The following TTC6 variants were observed in gnomAD, a reference collection of about 807,000 sequenced individuals.
TTC6 encodes tetratricopeptide repeat domain 6, also known as tetratricopeptide repeat protein 6.
A neutral mutation model predicts 210.4 loss-of-function variants in TTC6; 172 were observed. The observed-to-expected ratio is 0.82, with a 90% confidence interval of 0.72 to 0.93. TTC6 has a LOEUF of 0.93. TTC6 is among the 40% of genes least tolerant of loss of function. The pLI is 0.00. For missense variants in TTC6, 2,414 were observed against 2,318.1 expected (o/e 1.04, Z -0.85); for synonymous variants, 804 against 819.6 (o/e 0.98, Z 0.32).
intron 3 of TTC6, among the ~76,000 whole-genome samples, chr14:37,683,998 C>T (rs955077394): frequency 1.3e-5 from 2 of 152,032 alleles, no homozygotes; most frequent in Non-Finnish European, 2.9e-5. Context: ...GGTCTCCCCT[C>T]CCCACCAATG....
intron 24 of TTC6, among the ~76,000 whole-genome samples, chr14:37,811,205 C>T (rs1027671153): frequency 3.3e-5 from 5 of 152,098 alleles, no homozygotes; most frequent in African/African-American, 1.2e-4. Context: ...TAGTGGATCT[C>T]GAAGGCATCA....
At chr14:37,640,328 G>A (rs1190182739) in intron 1 of TTC6, among the ~76,000 whole-genome samples, 2 of 151,924 alleles carry the variant, frequency 1.3e-5, no homozygotes. Context: ...GAATTTTGGA[G>A]GTGATCAATT....
At chr14:37,666,300 G>A (rs930072679) in intron 1 of TTC6, among the ~76,000 whole-genome samples, 1 of 149,822 alleles carries the variant, frequency 6.7e-6, no homozygotes, top group African/African-American at 2.4e-5. Flanking sequence ...TTGTTTGACA[G>A]ATAGGTCCTA....
Position 37,625,535 on chromosome 14 carries a change from C to T in TTC6, c.939+2532C>T, listed in dbSNP as rs970730058. Among the ~76,000 whole-genome samples, 10 of 140,864 alleles carry T rather than the reference C, an allele frequency of 7.1e-5. No individual in the cohort carries two copies. In the East Asian group the frequency reaches 8.2e-4, roughly 12 times the overall value. 92.4% of individuals were successfully genotyped at this position (140,864 alleles called of 152,430 possible). A position where few individuals can be genotyped will look rare whatever the true frequency, so the allele number is the denominator to read the frequency against. ...TGGACTCCAGCCTGGGGGACAAGAG[C>T]GAGACTTCGTCTAAAAAAAAAAAAA... On this transcript the variant is annotated intron_variant, in intron 1 of 30. Transcript: ENST00000553443.
chr14:37,623,566 A>C (rs1404295682), intron 1 of TTC6, among the ~76,000 whole-genome samples: 1 of 152,208 alleles, frequency 6.6e-6, no homozygotes, highest in Non-Finnish European at 1.5e-5. Context: ...ACTCTATGGG[A>C]CACACTTTAC....
At position 37,622,394 on chromosome 14, in the gene TTC6, C is replaced by G. The variant is rs924618501; in HGVS notation, c.330C>G (p.Gly110=). The G allele has an allele frequency of 1.2e-5, 18 of 1,533,568 alleles. No individual in the cohort carries two copies. In the African/African-American group the frequency reaches 2.5e-4, roughly 21 times the overall value. The allele number at this position is 1,533,568 out of a possible 1,614,324, so 95.0% of individuals were successfully genotyped here. The change falls in exon 1 of 31, where the codon GGC becomes GGG. Residue 110 remains glycine, a synonymous_variant. Transcript: ENST00000553443. ...GCCTGGGTGAGGCGGCGGCTCCAGG[C>G]AAGACCCGGTCGTTTCGCCCCCGGG... is the stretch of plus-strand genomic sequence containing the variant.
intron 1 of TTC6, among the ~76,000 whole-genome samples, chr14:37,659,880 A>G (rs907190128): frequency 5.9e-5 from 9 of 152,002 alleles, no homozygotes; most frequent in Admixed American, 3.3e-4. Flanking sequence ...TCATAAGCTC[A>G]TTGGCTGCAT....
At chr14:37,768,901 C>T (rs1178835456) in intron 14 of TTC6, among the ~76,000 whole-genome samples, 1 of 150,088 alleles carries the variant, frequency 6.7e-6, no homozygotes, top group Non-Finnish European at 1.5e-5. Flanking sequence ...GGAATGCTTC[C>T]AGTTTTTGCC....
intron 24 of TTC6, 146 bp from the exon 27 acceptor site, chr14:37,812,168 T>C (rs2139436789): frequency 2.5e-6 from 2 of 791,268 alleles, no homozygotes; most frequent in South Asian, 3.9e-5. Flanking sequence ...CCTTTAAATC[T>C]AACATATGAT....
At chr14:37,614,744 CAATT>C (rs2139266201) in intron 2 of TTC6, among the ~76,000 whole-genome samples, 1 of 151,608 alleles carries the variant, frequency 6.6e-6, no homozygotes, top group African/African-American at 2.4e-5. Context: ...TTAAATTAAT[CAATT>C]AATTAATTTA....
At chr14:37,729,446 A>T (rs1279597896) in intron 7 of TTC6, among the ~76,000 whole-genome samples, 1 of 152,196 alleles carries the variant, frequency 6.6e-6, no homozygotes, top group Non-Finnish European at 1.5e-5. Flanking sequence ...CGCAGACCTA[A>T]CATGGCATTT....
chr14:37,635,398 C>T (rs1264272617), intron 1 of TTC6, among the ~76,000 whole-genome samples: 1 of 151,948 alleles, frequency 6.6e-6, no homozygotes, highest in East Asian at 1.9e-4. Flanking sequence ...AAGGCAGGTA[C>T]AAACAGAAAG....
chr14:37,792,777 TGTG>T (rs956011944), intron 17 of TTC6, among the ~76,000 whole-genome samples: 23 of 18,366 alleles, frequency 1.3e-3, no homozygotes, highest in African/African-American at 2.1e-3. Context: ...GGTCCAATGT[TGTG>T]TGTGTGTGTG....
chr14:37,655,617 C>T (rs752413361), intron 1 of TTC6, among the ~76,000 whole-genome samples: 7 of 152,178 alleles, frequency 4.6e-5, no homozygotes, highest in Non-Finnish European at 1.0e-4. Context: ...AACAGCTCCT[C>T]CCAGGCTTAC....
In TTC6 at chr14:37,803,034, T is replaced by A. The variant is rs186367233; in HGVS notation, c.4030-1646T>A. 1.4e-3 allele frequency among the ~76,000 whole-genome samples: 206 copies of A among 152,258 alleles called. 2 individuals carry two copies. Among genetic ancestry groups the A allele is most frequent in the Middle Eastern group, 3.4e-3 (1 of 294 alleles). On this transcript the variant is annotated intron_variant, in intron 20 of 30. Transcript: ENST00000553443. Reference sequence around the variant, plus strand: ...AGGTGTAAGCCACTGTGCCCAGCCTTCATTGACTTTCTTATTGCAGATTCT... The same window carrying A: ...AGGTGTAAGCCACTGTGCCCAGCCTACATTGACTTTCTTATTGCAGATTCT...
chr14:37,659,578 A>C (rs1038615306), intron 1 of TTC6, among the ~76,000 whole-genome samples: 1 of 151,958 alleles, frequency 6.6e-6, no homozygotes, highest in African/African-American at 2.4e-5. Flanking sequence ...CCCAGGCTGG[A>C]GTGCAATGGC....
intron 16 of TTC6, 96 bp from the exon 19 acceptor site, chr14:37,792,168 C>T (rs959905381): frequency 1.1e-6 from 1 of 950,448 alleles, no homozygotes; most frequent in African/African-American, 1.7e-5. Context: ...CTGATGAATA[C>T]TGATGCATCT....
At chr14:37,667,318 C>G (rs182821382) in intron 1 of TTC6, among the ~76,000 whole-genome samples, 1 of 150,334 alleles carries the variant, frequency 6.7e-6, no homozygotes, top group Non-Finnish European at 1.5e-5. Flanking sequence ...TTCTGGTTCC[C>G]CACCCCCTGC....
In TTC6 at chr14:37,820,783, C is replaced by T. The variant is rs545855524; in HGVS notation, c.4764-2964C>T. Among the ~76,000 whole-genome samples the T allele has an allele frequency of 7.2e-5, 11 of 152,254 alleles. No homozygotes were observed. In the Middle Eastern group the frequency reaches 0.01, roughly 141 times the overall value. Reference sequence around the variant, plus strand: ...ACCTGTCAACTAAATGCATTTTACACAGAATGACTATGATTCCTGATAAGG... The same window carrying T: ...ACCTGTCAACTAAATGCATTTTACATAGAATGACTATGATTCCTGATAAGG... On this transcript the variant is annotated intron_variant, in intron 26 of 30. Coordinates refer to ENST00000553443, the Ensembl canonical transcript of TTC6.
Sources: allele counts gnomAD v4.1 joint callset (sites outside exome capture counted in the v4.1 genomes callset), GRCh38; gene constraint gnomAD v4.1.1; transcripts MANE v1.5; gene names NCBI Gene and HGNC (gene_info 2026-07-23, HGNC 2026-07-21).